Variants in ALK observed in about 807,000 individuals in gnomAD.
The protein encoded by ALK is ALK tyrosine kinase receptor.
A neutral mutation model predicts 163.1 loss-of-function variants in ALK; 74 were observed. The observed-to-expected ratio is 0.45, with a 90% CI of 0.38 to 0.55. The LOEUF (loss-of-function observed/expected upper bound fraction) is 0.55, where lower values mean the gene tolerates loss of function less well. ALK is among the 20% of genes least tolerant of loss of function. The pLI is 0.00. For synonymous variants in ALK, 960 were observed against 843.2 expected (o/e 1.14, Z -2.40); for missense variants, 2,063 against 2,105.3 (o/e 0.98, Z 0.39).
intron 1 of ALK, among the ~76,000 whole-genome samples, chr2:29,825,425 A>G (rs4386283): frequency 0.93 from 142,309 of 152,270 alleles, 66,573 homozygotes; most frequent in East Asian, 1. Context: ...GGAAGGAGGA[A>G]AGGCTGAGAA....
At chr2:29,402,733 G>T (rs1333001788) in intron 4 of ALK, among the ~76,000 whole-genome samples, 1 of 152,126 alleles carries the variant, frequency 6.6e-6, no homozygotes, top group East Asian at 1.9e-4. Context: ...ACCTTGTACT[G>T]GTCTGGCAGG....
chr2:29,770,968 TACAC>T (rs1209750620), intron 1 of ALK, among the ~76,000 whole-genome samples: 1 of 150,238 alleles, frequency 6.7e-6, no homozygotes, highest in Non-Finnish European at 1.5e-5. Flanking sequence ...CATACACAAA[TACAC>T]AGACATACAC....
chr2:29,273,696 A>C (rs1284055464), intron 11 of ALK, among the ~76,000 whole-genome samples: 1 of 152,128 alleles, frequency 6.6e-6, no homozygotes, highest in Non-Finnish European at 1.5e-5. Context: ...GCTGTTGATT[A>C]GGCTGGGCAG....
intron 5 of ALK, among the ~76,000 whole-genome samples, chr2:29,361,159 A>G (rs1333720874): frequency 6.6e-6 from 1 of 152,192 alleles, no homozygotes; most frequent in Non-Finnish European, 1.5e-5. Context: ...CCTGACTGGC[A>G]AGACAGGTCC....
intron 1 of ALK, among the ~76,000 whole-genome samples, chr2:29,729,857 A>G (rs2148316482): frequency 1.3e-5 from 2 of 152,376 alleles, no homozygotes; most frequent in Non-Finnish European, 2.9e-5. Flanking sequence ...GAAAATAAAT[A>G]TCACCCATAC....
chr2:29,677,161 C>T (rs1420849849), intron 3 of ALK, among the ~76,000 whole-genome samples: 3 of 151,398 alleles, frequency 2.0e-5, no homozygotes, highest in Non-Finnish European at 4.4e-5. Context: ...CCTTTCCAAT[C>T]TGTATATCTG....
chr2:29,395,377 G>C (rs1669276318), intron 4 of ALK, among the ~76,000 whole-genome samples: 1 of 152,222 alleles, frequency 6.6e-6, no homozygotes, highest in African/African-American at 2.4e-5. Context: ...AGCCTGGTGA[G>C]GTGGGGTAAG....
intron 4 of ALK, among the ~76,000 whole-genome samples, chr2:29,417,083 G>A (rs958960364): frequency 6.7e-6 from 1 of 148,448 alleles, no homozygotes; most frequent in Non-Finnish European, 1.5e-5. Flanking sequence ...TGCCTTCTGG[G>A]TTCACGCCAT....
intron 4 of ALK, among the ~76,000 whole-genome samples, chr2:29,419,634 C>G (rs964417582): frequency 6.6e-6 from 1 of 151,506 alleles, no homozygotes; most frequent in African/African-American, 2.5e-5. Flanking sequence ...AGGACCTTAA[C>G]TGCTCTATGA....
At chr2:29,795,034 C>G (rs1300304981) in intron 1 of ALK, among the ~76,000 whole-genome samples, 5 of 152,060 alleles carry the variant, frequency 3.3e-5, no homozygotes, top group Admixed American at 3.3e-4. Flanking sequence ...CAACTGCATA[C>G]AAATATTGCA....
intron 3 of ALK, among the ~76,000 whole-genome samples, chr2:29,607,252 G>A (rs887734997): frequency 6.6e-6 from 1 of 152,068 alleles, no homozygotes; most frequent in Admixed American, 6.6e-5. Context: ...TGACGGGCGT[G>A]GTAATAACAG....
intron 1 of ALK, among the ~76,000 whole-genome samples, chr2:29,728,096 A>C (rs1213800396): frequency 6.6e-6 from 1 of 151,972 alleles, no homozygotes; most frequent in Non-Finnish European, 1.5e-5. Flanking sequence ...TTAAACCTTT[A>C]AGCTGCAATA....
At chr2:29,846,353 C>T (rs187567849) in intron 1 of ALK, among the ~76,000 whole-genome samples, 3 of 152,254 alleles carry the variant, frequency 2.0e-5, no homozygotes, top group East Asian at 1.9e-4. Context: ...CCTAGAACCC[C>T]GTTTTATTTT....
At chr2:29,302,974 A>G (rs1377875297) in intron 8 of ALK, among the ~76,000 whole-genome samples, 1 of 152,232 alleles carries the variant, frequency 6.6e-6, no homozygotes, top group Non-Finnish European at 1.5e-5. Flanking sequence ...CAAAGAATTT[A>G]TGACTAAGAC....
chr2:29,690,803 G>A (rs1282819877), intron 3 of ALK, among the ~76,000 whole-genome samples: 1 of 151,952 alleles, frequency 6.6e-6, no homozygotes, highest in African/African-American at 2.4e-5. Context: ...CCTTTTTCTG[G>A]TCCTTCTATA....
rs376874161 is a variant in ALK at position 29,802,777 on chromosome 2, CT to C, written c.668-85081del. On this transcript the variant is annotated intron_variant, in intron 1 of 28. Coordinates refer to ENST00000389048, the MANE Select transcript of ALK (RefSeq NM_004304.5). ...AAAAGAAACAAAAGAGACTGGAACT[CT>C]TTTTTTTTTTTTTCCTTTTTTGGTT... Among the ~76,000 whole-genome samples, 1,335 of 140,236 alleles carry C rather than the reference CT, an allele frequency of 9.5e-3. 11 individuals carry two copies. The highest frequency in any genetic ancestry group is 9.2e-3 in the Non-Finnish European group (596 of 64,946). 92.0% of individuals were successfully genotyped at this position (140,236 alleles called of 152,430 possible). A position where few individuals can be genotyped will look rare whatever the true frequency, so the allele number is the denominator to read the frequency against.
At chr2:29,764,365 C>T (rs1680799132) in intron 1 of ALK, among the ~76,000 whole-genome samples, 1 of 152,164 alleles carries the variant, frequency 6.6e-6, no homozygotes, top group African/African-American at 2.4e-5. Flanking sequence ...CCATTGTCCT[C>T]ACCTCATCCC....
chr2:29,223,364 G>A lies in ALK; in HGVS notation c.3337C>T (p.Arg1113Trp), dbSNP rs773583710. ...SSISDLKEVP[R>W]KNITLIRGLG... Reference sequence around the variant, plus strand: ...CACCGAATGAGGGTGATGTTTTTCCGCGGCACCTCCTTCAGGTCACTGATG... The same window carrying A: ...CACCGAATGAGGGTGATGTTTTTCCACGGCACCTCCTTCAGGTCACTGATG... Residue 1113 changes from arginine (R) to tryptophan (W), a missense_variant, in exon 20 of 29, where the codon CGG (arginine) becomes TGG (tryptophan). Arg to Trp is a moderately radical substitution (Grantham distance 101). This residue lies in a region of ALK where 575 missense variants were observed against 626.6 expected (regional missense o/e 0.92). Coordinates refer to ENST00000389048, the MANE Select transcript of ALK (RefSeq NM_004304.5). 13 of 1,613,968 alleles carry A rather than the reference G, an allele frequency of 8.1e-6. No individual in the cohort carries two copies. The highest frequency in any genetic ancestry group is 1.7e-5 in the Admixed American group (1 of 59,998).
Position 29,727,857 on chromosome 2 carries a change from G to A in ALK, c.668-10160C>T, listed in dbSNP as rs115027371. 9.1e-3 allele frequency among the ~76,000 whole-genome samples: 1,381 copies of A among 152,288 alleles called. 22 individuals carry two copies. Among genetic ancestry groups the A allele is most frequent in the African/African-American group, 0.032 (1,323 of 41,546 alleles). On this transcript the variant is annotated intron_variant, in intron 1 of 28. Coordinates refer to ENST00000389048, the MANE Select transcript of ALK (RefSeq NM_004304.5). ...CCTTGGCCTCATGCAGAGACTCAGA[G>A]TGGGGGAGCTGGGAGGGGCCATGAA...
Sources: allele counts gnomAD v4.1 joint callset (sites outside exome capture counted in the v4.1 genomes callset), GRCh38; gene constraint gnomAD v4.1.1; regional missense constraint gnomAD v4.1.1; transcripts MANE v1.5; gene names NCBI Gene and HGNC (gene_info 2026-07-23, HGNC 2026-07-21).